Variants in IPP observed in about 807,000 individuals in gnomAD.
IPP encodes intracisternal A particle-promoted polypeptide.
IPP carries 41 observed loss-of-function variants against 64.1 expected under a neutral mutation model. The observed-to-expected ratio is 0.64, with a 90% confidence interval of 0.50 to 0.83. The LOEUF (loss-of-function observed/expected upper bound fraction) is 0.83. IPP is among the 40% of genes least tolerant of loss of function. IPP has a pLI of 0.00. For synonymous variants in IPP, 214 were observed against 235.2 expected (o/e 0.91, Z 0.83); for missense variants, 649 against 703.0 (o/e 0.92, Z 0.87).
intron 8 of IPP, among the ~76,000 whole-genome samples, chr1:45,710,239 A>G (rs1213799280): frequency 4.4e-5 from 5 of 114,274 alleles, no homozygotes; most frequent in Non-Finnish European, 7.4e-5. Flanking sequence ...AAAAAAAAAA[A>G]AAGAGAGAAG....
chr1:45,715,677 T>G (rs964865906), intron 7 of IPP, among the ~76,000 whole-genome samples: 1 of 151,592 alleles, frequency 6.6e-6, no homozygotes, highest in Admixed American at 6.6e-5. Context: ...AATATTAGTA[T>G]AGTAAACTTG....
Position 45,746,117 on chromosome 1 carries a change from T to C in IPP, c.292+3A>G. The C allele has an allele frequency of 6.2e-7, 1 of 1,608,832 alleles. No homozygotes were observed. Among genetic ancestry groups the C allele is most frequent in the Non-Finnish European group, 8.5e-7 (1 of 1,175,468 alleles). The stretch of plus-strand genomic sequence containing the variant: ...GTCAAAGCAACAGACTCATGTAACA[T>C]ACCTGTGTAAATGAAATCTAGAAGT... On this transcript the variant is annotated splice_donor_region_variant and intron_variant, in intron 2 of 8. Coordinates refer to ENST00000396478, the MANE Select transcript of IPP (RefSeq NM_005897.3).
chr1:45,715,653 A>G (rs1645648591), intron 7 of IPP, among the ~76,000 whole-genome samples: 3 of 152,034 alleles, frequency 2.0e-5, no homozygotes, highest in Admixed American at 2.0e-4. Context: ...AAAAAAAAAA[A>G]GAAATGTGGG....
At chr1:45,701,698 G>A (rs1289309015) in intron 8 of IPP, among the ~76,000 whole-genome samples, 1 of 152,204 alleles carries the variant, frequency 6.6e-6, no homozygotes, top group Non-Finnish European at 1.5e-5. Context: ...GGTAATGGGA[G>A]AACAGATTAT....
At chr1:45,701,322 T>C (rs939522198) in intron 8 of IPP, among the ~76,000 whole-genome samples, 1 of 152,064 alleles carries the variant, frequency 6.6e-6, no homozygotes, top group Non-Finnish European at 1.5e-5. Flanking sequence ...AGTCTCGCTC[T>C]TGTTGCCCAG....
At chr1:45,723,113 T>C (rs1474389860) in intron 5 of IPP, among the ~76,000 whole-genome samples, 2 of 152,158 alleles carry the variant, frequency 1.3e-5, no homozygotes, top group South Asian at 4.2e-4. Flanking sequence ...ATGAATTTGG[T>C]ATGTGAATTA....
chr1:45,701,790 G>A (rs942445966), intron 8 of IPP, among the ~76,000 whole-genome samples: 2 of 152,160 alleles, frequency 1.3e-5, no homozygotes, highest in Admixed American at 6.5e-5. Flanking sequence ...ATGCTAGAAA[G>A]TAAATTTTTG....
At chr1:45,705,290 C>A (rs988960629) in intron 8 of IPP, among the ~76,000 whole-genome samples, 10 of 152,206 alleles carry the variant, frequency 6.6e-5, no homozygotes, top group Admixed American at 5.2e-4. Flanking sequence ...GGAAATAAGG[C>A]TTCTTGAAGA....
Position 45,699,961 on chromosome 1 carries a change from A to C in IPP, c.*5T>G. 6.2e-7 allele frequency: 1 copy of C among 1,614,040 alleles called. No individual in the cohort carries two copies. The highest frequency in any genetic ancestry group is 8.5e-7 in the Non-Finnish European group (1 of 1,179,932). The stretch of plus-strand genomic sequence containing the variant: ...TGTTCCTTGTGCTCTGTTATGCTTT[A>C]TATTTCATAGCACAGCAACGCCCCC... On this transcript the variant is annotated 3_prime_UTR_variant, in exon 9 of 9. Coordinates refer to ENST00000396478, the MANE Select transcript of IPP (RefSeq NM_005897.3).
intron 3 of IPP, among the ~76,000 whole-genome samples, chr1:45,733,512 T>A (rs1436495422): frequency 6.7e-6 from 1 of 148,370 alleles, no homozygotes; most frequent in Admixed American, 6.7e-5. Flanking sequence ...CTTACAAAAT[T>A]TGAGGAGAGG....
intron 8 of IPP, among the ~76,000 whole-genome samples, chr1:45,709,670 C>G (rs924530425): frequency 7.7e-6 from 1 of 130,606 alleles, no homozygotes; most frequent in Non-Finnish European, 1.7e-5. Context: ...ACTAAAAATA[C>G]AAAAAAATTA....
At chr1:45,743,374 A>T (rs910269254) in intron 2 of IPP, among the ~76,000 whole-genome samples, 3 of 150,668 alleles carry the variant, frequency 2.0e-5, no homozygotes, top group African/African-American at 7.3e-5. Context: ...AGTAGCTGGG[A>T]CTACAGGTGT....
chr1:45,738,963 G>A (rs982786443), intron 3 of IPP, among the ~76,000 whole-genome samples: 7 of 151,642 alleles, frequency 4.6e-5, no homozygotes, highest in Non-Finnish European at 7.4e-5. Flanking sequence ...TTTCCCCTAG[G>A]AGCAATTGTT....
chr1:45,703,894 T>A (rs1351391701), intron 8 of IPP, among the ~76,000 whole-genome samples: 1 of 152,228 alleles, frequency 6.6e-6, no homozygotes, highest in Non-Finnish European at 1.5e-5. Context: ...ATGTTGAGTT[T>A]GTTCTTGTTT....
chr1:45,740,098 G>C (rs147977587), intron 3 of IPP, among the ~76,000 whole-genome samples: 1 of 152,172 alleles, frequency 6.6e-6, no homozygotes, highest in Admixed American at 6.5e-5. Flanking sequence ...ATTTAACCCT[G>C]AGTGGACACA....
chr1:45,705,096 G>T (rs1171340122), intron 8 of IPP, among the ~76,000 whole-genome samples: 1 of 152,228 alleles, frequency 6.6e-6, no homozygotes, highest in Non-Finnish European at 1.5e-5. Context: ...ACCTCAATAA[G>T]GTTGTTTTCT....
chr1:45,694,962 C>G (rs982519605), downstream of IPP: 1 of 153,520 alleles, frequency 6.5e-6, no homozygotes, highest in African/African-American at 2.4e-5. Flanking sequence ...CTTGGCTCAC[C>G]GCAACCTCCA....
chr1:45,741,019 TAAG>T lies in IPP; in HGVS notation c.603_605del (p.Phe201del). On this transcript the variant is annotated inframe_deletion, in exon 3 of 9. Coordinates refer to ENST00000396478, the MANE Select transcript of IPP (RefSeq NM_005897.3). Reference sequence around the variant, plus strand: ...CTTTCAGAATCCATTGCATTGCAGCTAAGAAGACCTGGTATTCATCCTCAATGC... The same window carrying T: ...CTTTCAGAATCCATTGCATTGCAGCTAAGACCTGGTATTCATCCTCAATGC... 1 of 1,614,030 alleles carries T rather than the reference TAAG, an allele frequency of 6.2e-7. No homozygotes were observed. The highest frequency in any genetic ancestry group is 8.5e-7 in the Non-Finnish European group (1 of 1,179,876).
At chr1:45,717,735 G>T (rs1049797640) in intron 6 of IPP, among the ~76,000 whole-genome samples, 1 of 151,968 alleles carries the variant, frequency 6.6e-6, no homozygotes, top group Non-Finnish European at 1.5e-5. Flanking sequence ...AGTTGGTCTC[G>T]ATCTCCTGAC....
Sources: allele counts gnomAD v4.1 joint callset (sites outside exome capture counted in the v4.1 genomes callset), GRCh38; gene constraint gnomAD v4.1.1; transcripts MANE v1.5; gene names NCBI Gene and HGNC (gene_info 2026-07-23, HGNC 2026-07-21).